Variants in GRXCR2 observed in about 807,000 individuals in gnomAD.
GRXCR2 encodes the protein glutaredoxin domain-containing cysteine-rich protein 2.
In GRXCR2, 23 loss-of-function variants were observed where a neutral mutation model predicts 24.8. The observed-to-expected ratio is 0.93, with a 90% confidence interval of 0.67 to 1.32. The LOEUF (loss-of-function observed/expected upper bound fraction) is 1.32. GRXCR2 is among the 40% of genes most tolerant of loss of function. The pLI, the probability that GRXCR2 is intolerant of heterozygous loss-of-function variation, is 0.00. For synonymous variants in GRXCR2, 130 were observed against 116.1 expected, an observed-to-expected ratio of 1.12 and a Z score of -0.77; for missense variants, 315 against 303.4, an observed-to-expected ratio of 1.04 and a Z score of -0.28.
intron 2 of GRXCR2, among the ~76,000 whole-genome samples, chr5:145,925,904 T>C (rs1203788843): frequency 6.6e-6 from 1 of 152,038 alleles, no homozygotes; most frequent in Non-Finnish European, 1.5e-5. Context: ...AAAAGAGACA[T>C]CTTGCACTAA....
At chr5:145,919,694 C>T (rs565608244) in intron 2 of GRXCR2, among the ~76,000 whole-genome samples, 4 of 152,254 alleles carry the variant, frequency 2.6e-5, no homozygotes, top group South Asian at 2.1e-4. Context: ...TGTCACCGTG[C>T]CCCTTATCTT....
rs1481167641 is a variant in GRXCR2, at chr5:145,872,818, G to C, written c.151C>G (p.His51Asp). The change falls in exon 1 of 3, where the codon CAC (histidine) becomes GAC (aspartate). Residue 51 changes from histidine to aspartate, a missense_variant. Coordinates refer to ENST00000377976, the MANE Select transcript of GRXCR2 (RefSeq NM_001080516.2). ...TCAAGAGACTCTTGCAGAAAACTGT[G>C]AGGGTATTCCTCCTTTGGTGACTCT... ...ELESPKEEYP[H>D]SFLQESLETM... is the part of the protein sequence containing the mutation. 1 of 1,614,048 alleles carries C rather than the reference G, an allele frequency of 6.2e-7. No homozygotes were observed. Among genetic ancestry groups the C allele is most frequent in the East Asian group, 2.2e-5 (1 of 44,888 alleles).
chr5:145,872,308 C>T (rs170972), intron 1 of GRXCR2, among the ~76,000 whole-genome samples: 91,409 of 152,046 alleles, frequency 0.6, 27,711 homozygotes, highest in East Asian at 0.72. Flanking sequence ...TGTCTAAAAC[C>T]GCAGTCTGAC....
intron 1 of GRXCR2, among the ~76,000 whole-genome samples, chr5:145,867,720 T>C (rs575887575): frequency 6.6e-6 from 1 of 152,212 alleles, no homozygotes; most frequent in Non-Finnish European, 1.5e-5. Flanking sequence ...TGCTGAGATA[T>C]TTAGTTGTGT....
chr5:145,929,452 A>G (rs183171399), intron 2 of GRXCR2, among the ~76,000 whole-genome samples: 1 of 152,114 alleles, frequency 6.6e-6, no homozygotes, highest in Non-Finnish European at 1.5e-5. Flanking sequence ...GACTCATAAG[A>G]CATTGCAAAA....
intron 2 of GRXCR2, among the ~76,000 whole-genome samples, chr5:145,881,483 C>T (rs1317856731): frequency 5.3e-5 from 8 of 152,074 alleles, no homozygotes; most frequent in Admixed American, 3.3e-4. Flanking sequence ...TGTGAAGGAC[C>T]TCTTCAAGGA....
At chr5:145,929,106 A>G (rs1302756805) in intron 2 of GRXCR2, among the ~76,000 whole-genome samples, 3 of 150,340 alleles carry the variant, frequency 2.0e-5, no homozygotes, top group Non-Finnish European at 4.4e-5. Flanking sequence ...CTGAACTCAT[A>G]TAACTTAAGT....
intron 2 of GRXCR2, among the ~76,000 whole-genome samples, chr5:145,908,152 G>A (rs375367835): frequency 1.1e-3 from 169 of 152,284 alleles, no homozygotes; most frequent in African/African-American, 3.9e-3. Flanking sequence ...AAGACAATGA[G>A]ATGAGATGCA....
chr5:145,891,077 T>G (rs574625110), intron 2 of GRXCR2, among the ~76,000 whole-genome samples: 88 of 152,218 alleles, frequency 5.8e-4, no homozygotes, highest in African/African-American at 2.1e-3. Context: ...TTACCATAAA[T>G]ATATACACAC....
intron 2 of GRXCR2, among the ~76,000 whole-genome samples, chr5:145,914,036 T>A (rs1757200339): frequency 6.6e-6 from 1 of 152,136 alleles, no homozygotes; most frequent in Non-Finnish European, 1.5e-5. Context: ...GTGGAGCTGG[T>A]GAGTAAAGGC....
intron 2 of GRXCR2, among the ~76,000 whole-genome samples, chr5:145,927,901 T>C (rs1284528298): frequency 6.6e-6 from 1 of 152,002 alleles, no homozygotes; most frequent in Non-Finnish European, 1.5e-5. Context: ...AATTGACAAA[T>C]GGGATCTAAC....
intron 2 of GRXCR2, among the ~76,000 whole-genome samples, chr5:145,931,314 G>A (rs112170916): frequency 0.025 from 3,777 of 152,286 alleles, 169 homozygotes; most frequent in African/African-American, 0.086. Flanking sequence ...TTACAGGCAT[G>A]AGCCACTGCA....
intron 2 of GRXCR2, among the ~76,000 whole-genome samples, chr5:145,921,373 C>T (rs1013762648): frequency 1.3e-5 from 2 of 152,146 alleles, no homozygotes; most frequent in Non-Finnish European, 2.9e-5. Flanking sequence ...GCTGAAAATC[C>T]ACCTCTACAG....
At chr5:145,900,435 A>G (rs1561686496) in intron 2 of GRXCR2, among the ~76,000 whole-genome samples, 1 of 152,150 alleles carries the variant, frequency 6.6e-6, no homozygotes, top group South Asian at 2.1e-4. Context: ...AAATTACCCA[A>G]TCTCAGGTAG....
chr5:145,894,348 GT>G (rs1756916592), intron 2 of GRXCR2, among the ~76,000 whole-genome samples: 1 of 152,216 alleles, frequency 6.6e-6, no homozygotes, highest in Non-Finnish European at 1.5e-5. Flanking sequence ...CCAGGAGCTG[GT>G]TTTTTGAAAA....
intron 2 of GRXCR2, among the ~76,000 whole-genome samples, chr5:145,927,041 G>T (rs1022559071): frequency 4.6e-5 from 7 of 152,120 alleles, no homozygotes; most frequent in African/African-American, 1.7e-4. Context: ...TCTGTTATTG[G>T]TGTATAAGAA....
At chr5:145,869,476 C>T (rs1376122650) in intron 1 of GRXCR2, among the ~76,000 whole-genome samples, 3 of 151,978 alleles carry the variant, frequency 2.0e-5, no homozygotes, top group Admixed American at 6.6e-5. Context: ...AGAACCTGCT[C>T]GTTATTACAA....
At chr5:145,884,878 G>A (rs1756756671) in intron 2 of GRXCR2, among the ~76,000 whole-genome samples, 1 of 152,114 alleles carries the variant, frequency 6.6e-6, no homozygotes, top group Admixed American at 6.6e-5. Flanking sequence ...TCTGTCTGAT[G>A]TCATTTACTG....
intron 2 of GRXCR2, among the ~76,000 whole-genome samples, chr5:145,884,732 C>G (rs1167119456): frequency 2.0e-5 from 3 of 151,942 alleles, no homozygotes; most frequent in Non-Finnish European, 4.4e-5. Flanking sequence ...AAATTATGCT[C>G]TTTTAAAAAA....
Sources: gnomAD v4.1 joint callset for allele counts (sites outside exome capture counted in the v4.1 genomes callset) on GRCh38, gnomAD v4.1.1 for gene constraint, MANE v1.5 for transcripts, NCBI Gene and HGNC (gene_info 2026-07-23, HGNC 2026-07-21) for gene names.